WASF2: variants seen among roughly 807,000 people sequenced by gnomAD.
WASF2 encodes actin-binding protein WASF2.
WASF2 carries 14 observed loss-of-function variants against 45.0 expected under a neutral mutation model. The ratio of observed to expected loss-of-function variants is 0.31; its 90% confidence interval spans 0.21 to 0.49. WASF2 has a LOEUF of 0.49. Ranked by LOEUF, WASF2 falls within the 20% of genes least tolerant of loss-of-function variation. The pLI, the probability that WASF2 is intolerant of heterozygous loss-of-function variation, is 0.99. For synonymous variants in WASF2, 200 were observed against 236.3 expected, an observed-to-expected ratio of 0.85 and a Z score of 1.41; for missense variants, 439 against 636.1, an observed-to-expected ratio of 0.69 and a Z score of 3.33.
At chr1:27,412,465 C>T (rs2016773523) in intron 7 of WASF2, 107 bp downstream of exon 7, 6 of 1,460,840 alleles carry the variant, frequency 4.1e-6, no homozygotes, top group Admixed American at 1.8e-5. Flanking sequence ...ACCACCTTGG[C>T]CTCCCAAAGA....
intron 1 of WASF2, among the ~76,000 whole-genome samples, chr1:27,478,651 C>T (rs544602709): frequency 2.3e-3 from 352 of 152,186 alleles, no homozygotes; most frequent in African/African-American, 7.7e-3. Context: ...GGCGTGATCT[C>T]GGCTCACTGC....
chr1:27,472,224 G>A (rs924104142), intron 1 of WASF2, among the ~76,000 whole-genome samples: 6 of 151,096 alleles, frequency 4.0e-5, no homozygotes, highest in Non-Finnish European at 7.4e-5. Flanking sequence ...CCATCTACTC[G>A]AGAGGCAGGA....
chr1:27,463,491 C>T (rs866164368), intron 1 of WASF2, among the ~76,000 whole-genome samples: 2 of 151,642 alleles, frequency 1.3e-5, no homozygotes, highest in South Asian at 2.1e-4. Context: ...CGAGTGGTGG[C>T]GGGTGCCTGT....
At chr1:27,449,897 A>G (rs1210390002) in intron 1 of WASF2, among the ~76,000 whole-genome samples, 1 of 152,158 alleles carries the variant, frequency 6.6e-6, no homozygotes, top group Admixed American at 6.5e-5. Context: ...TAATCCCAGC[A>G]CTTTGGGAGG....
At chr1:27,426,513 A>AT (rs71785131) in intron 2 of WASF2, among the ~76,000 whole-genome samples, 118,953 of 145,360 alleles carry the variant, frequency 0.82, 49,447 homozygotes, top group Admixed American at 0.91. Context: ...AGTTAACTTA[A>AT]TTTTTTTTTT....
At chr1:27,459,573 A>T (rs920689156) in intron 1 of WASF2, 7 of 152,210 alleles carry the variant, frequency 4.6e-5, no homozygotes, top group Non-Finnish European at 8.8e-5. Flanking sequence ...TATAAAATAT[A>T]CATTATTTTT....
At chr1:27,469,627 TA>T in intron 1 of WASF2, among the ~76,000 whole-genome samples, 2 of 152,244 alleles carry the variant, frequency 1.3e-5, no homozygotes, top group Middle Eastern at 6.8e-3. Flanking sequence ...GAAAAGTACC[TA>T]AACATAAAAC....
chr1:27,433,300 T>G (rs919963965), intron 1 of WASF2, among the ~76,000 whole-genome samples: 1 of 152,138 alleles, frequency 6.6e-6, no homozygotes, highest in South Asian at 2.1e-4. Context: ...AAAGGATGAT[T>G]AGAGTGACAG....
intron 1 of WASF2, among the ~76,000 whole-genome samples, chr1:27,481,748 A>C (rs2017853345): frequency 6.6e-6 from 1 of 152,202 alleles, no homozygotes; most frequent in Non-Finnish European, 1.5e-5. Flanking sequence ...AGAAAAAAAA[A>C]GAAACTATTT....
At position 27,485,371 on chromosome 1, in the gene WASF2, G is replaced by A. The variant is rs145354658; in HGVS notation, c.-44+4615C>T. ...GCCAAGGCGGGAAGATCACTTGAAG[G>A]CAGAAGTTTGAGACCAGCCTGGCAA... On this transcript the variant is annotated intron_variant, in intron 1 of 8. Transcript: ENST00000618852. Among the ~76,000 whole-genome samples, 405 of 152,066 alleles carry A rather than the reference G, an allele frequency of 2.7e-3. 3 individuals carry two copies. The highest frequency in any genetic ancestry group is 7.8e-3 in the African/African-American group (323 of 41,460).
At chr1:27,469,176 G>A (rs933100867) in intron 1 of WASF2, among the ~76,000 whole-genome samples, 1 of 152,060 alleles carries the variant, frequency 6.6e-6, no homozygotes, top group African/African-American at 2.4e-5. Flanking sequence ...TATGATGTCT[G>A]GGACTTGTTT....
intron 1 of WASF2, among the ~76,000 whole-genome samples, chr1:27,448,503 T>C (rs2017340049): frequency 6.6e-6 from 1 of 152,150 alleles, no homozygotes; most frequent in African/African-American, 2.4e-5. Flanking sequence ...CACCGAACAT[T>C]GGACAAATGG....
intron 1 of WASF2, among the ~76,000 whole-genome samples, chr1:27,484,120 T>C (rs965679259): frequency 6.6e-6 from 1 of 152,308 alleles, no homozygotes; most frequent in East Asian, 1.9e-4. Flanking sequence ...ATTCAGGCCC[T>C]CAAACCAGGC....
At chr1:27,439,088 A>T (rs1225362908) in intron 1 of WASF2, among the ~76,000 whole-genome samples, 1 of 152,214 alleles carries the variant, frequency 6.6e-6, no homozygotes, top group African/African-American at 2.4e-5. Context: ...GCAGAGCAAG[A>T]GCATGAACAT....
intron 2 of WASF2, among the ~76,000 whole-genome samples, chr1:27,426,208 A>G (rs2016978665): frequency 6.6e-6 from 1 of 152,240 alleles, no homozygotes; most frequent in African/African-American, 2.4e-5. Context: ...GTTACATTAC[A>G]AAAGTTAACA....
chr1:27,435,014 T>G (rs2017113913), intron 1 of WASF2, among the ~76,000 whole-genome samples: 1 of 152,064 alleles, frequency 6.6e-6, no homozygotes, highest in Non-Finnish European at 1.5e-5. Context: ...TGGCACAATC[T>G]CGGCTCACCA....
At chr1:27,456,822 G>A (rs922706953) in intron 1 of WASF2, among the ~76,000 whole-genome samples, 3 of 147,438 alleles carry the variant, frequency 2.0e-5, no homozygotes, top group East Asian at 2.0e-4. Context: ...TGCAACCTCC[G>A]CCTCACGGGT....
chr1:27,481,425 G>A (rs547576010), intron 1 of WASF2, among the ~76,000 whole-genome samples: 4 of 152,352 alleles, frequency 2.6e-5, no homozygotes, highest in Admixed American at 6.5e-5. Context: ...GGGGCCAGGC[G>A]TGGTGGCTCA....
intron 1 of WASF2, among the ~76,000 whole-genome samples, chr1:27,461,620 G>A (rs571971304): frequency 3.4e-4 from 52 of 151,582 alleles, no homozygotes; most frequent in African/African-American, 1.2e-3. Flanking sequence ...CCGCCACCAC[G>A]CCCAGCTAAT....
Sources: gnomAD v4.1 joint callset for allele counts (sites outside exome capture counted in the v4.1 genomes callset) on GRCh38, gnomAD v4.1.1 for gene constraint, MANE v1.5 for transcripts, NCBI Gene and HGNC (gene_info 2026-07-23, HGNC 2026-07-21) for gene names.